The following ALDH16A1 variants were observed in gnomAD, a reference collection of about 807,000 sequenced individuals.
The protein encoded by ALDH16A1 is aldehyde dehydrogenase family 16 member A1.
ALDH16A1 carries 88 observed loss-of-function variants against 96.1 expected under a neutral mutation model. The observed-to-expected ratio is 0.92, with a 90% CI of 0.77 to 1.09. The LOEUF (loss-of-function observed/expected upper bound fraction) is 1.09. ALDH16A1 is among the 50% of genes least tolerant of loss of function. The pLI is 0.00. For synonymous variants in ALDH16A1, 522 were observed against 496.4 expected (o/e 1.05, Z -0.69); for missense variants, 1,250 against 1,112.6 (o/e 1.12, Z -1.76).
At chr19:49,467,482 C>T (rs1391741499) in intron 14 of ALDH16A1, among the ~76,000 whole-genome samples, 2 of 151,340 alleles carry the variant, frequency 1.3e-5, no homozygotes, top group Admixed American at 6.6e-5. Flanking sequence ...GCAACCTCTG[C>T]ATCCCAGGTT....
chr19:49,457,927 T>C (rs992867443), intron 1 of ALDH16A1, among the ~76,000 whole-genome samples: 11 of 152,054 alleles, frequency 7.2e-5, no homozygotes, highest in African/African-American at 2.7e-4. Flanking sequence ...GAGACCCTAA[T>C]TGAATGAATT....
chr19:49,462,180 T>C, intron 7 of ALDH16A1, 144 bp downstream of exon 7: 1 of 1,281,238 alleles, frequency 7.8e-7, no homozygotes, highest in South Asian at 1.7e-5. Context: ...TCGCCCAGGC[T>C]GGGGTGCAGC....
intron 4 of ALDH16A1, 104 bp from the exon 5 acceptor site, chr19:49,460,718 T>G: frequency 1.0e-6 from 1 of 967,734 alleles, no homozygotes. Flanking sequence ...CCGGCCATTT[T>G]TTTTTTTTTT....
rs917736465 is a variant in ALDH16A1 at position 49,458,945 on chromosome 19, C to A, written c.194-15C>A. On this transcript the variant is annotated splice_polypyrimidine_tract_variant and intron_variant, in intron 2 of 16. Transcript: ENST00000293350. Reference sequence around the variant, plus strand: ...GCTACTCCTCCCATCTGAGTCCCCCCACTTTTCTCCCCAGGAGAGAACTTG... The same window carrying A: ...GCTACTCCTCCCATCTGAGTCCCCCAACTTTTCTCCCCAGGAGAGAACTTG... The A allele has an allele frequency of 4.4e-6, 7 of 1,606,782 alleles. No individual in the cohort carries two copies. Among genetic ancestry groups the A allele is most frequent in the Admixed American group, 1.7e-5 (1 of 59,434 alleles).
chr19:49,460,226 T>C (rs1353010314), intron 4 of ALDH16A1, among the ~76,000 whole-genome samples: 2 of 152,068 alleles, frequency 1.3e-5, no homozygotes, highest in Non-Finnish European at 2.9e-5. Flanking sequence ...TCATTCTTTT[T>C]CTTTTGTTTT....
At chr19:49,469,106 C>CA (rs2079224186) in intron 16 of ALDH16A1, 120 bp downstream of exon 16, 1 of 1,436,116 alleles carries the variant, frequency 7.0e-7, no homozygotes, top group African/African-American at 1.4e-5. Context: ...AACTCCTTGA[C>CA]AAGAAGGTTT....
rs760609111 is a variant in ALDH16A1 at position 49,462,575 on chromosome 19, C to T, written c.918C>T (p.Gly306=). 1 of 1,612,710 alleles carries T rather than the reference C, an allele frequency of 6.2e-7. No homozygotes were observed. Among genetic ancestry groups the T allele is most frequent in the African/African-American group, 1.3e-5 (1 of 74,990 alleles). ...GATGCCCCTTTTCCTCACAGGGTGGCCTCAGGCTCCTCATCCAGGAGTCTG... is the reference window on the plus strand; with the variant it reads ...GATGCCCCTTTTCCTCACAGGGTGGTCTCAGGCTCCTCATCCAGGAGTCTG... ...DAAWSDRGPG[G]LRLLIQESVW... The change falls in exon 8 of 17, where the codon GGC becomes GGT. Residue 306 remains glycine (G), a synonymous_variant. Coordinates refer to ENST00000293350, the MANE Select transcript of ALDH16A1 (RefSeq NM_153329.4).
chr19:49,461,618 G>T lies in ALDH16A1; in HGVS notation c.578-1G>T. 6.3e-7 allele frequency: 1 copy of T among 1,580,582 alleles called. No homozygotes were observed. The highest frequency in any genetic ancestry group is 8.6e-7 in the Non-Finnish European group (1 of 1,165,066). ...GCCTTTGAGCTGCCCCACTTCCCCA[G>T]GCTGCACCGTGGTGGCCCTCGTGCC... On this transcript the variant is annotated splice_acceptor_variant, in intron 5 of 16. Coordinates refer to ENST00000293350, the MANE Select transcript of ALDH16A1 (RefSeq NM_153329.4). LOFTEE classifies it high-confidence loss of function.
intron 1 of ALDH16A1, among the ~76,000 whole-genome samples, chr19:49,455,914 C>G (rs945657711): frequency 6.6e-6 from 1 of 152,040 alleles, no homozygotes; most frequent in Admixed American, 6.6e-5. Flanking sequence ...AAATGCTGGA[C>G]AATTGATTCC....
In ALDH16A1 at chr19:49,464,423, G is replaced by A. The variant is rs2293009; in HGVS notation, c.1338G>A (p.Gln446=). ...GQALELGYGL[Q]VGTVWINAHG... ...ACCTTCATCTTCCCCACAGGCTCCA[G>A]GTGGGCACTGTCTGGATCAACGCCC... Residue 446 remains glutamine (Q), a synonymous_variant, in exon 11 of 17, where the codon CAG becomes CAA. Coordinates refer to ENST00000293350, the MANE Select transcript of ALDH16A1 (RefSeq NM_153329.4). 628,763 of 1,598,126 alleles carry A rather than the reference G, an allele frequency of 0.39. 128,472 individuals are homozygous for A. Among genetic ancestry groups the A allele is most frequent in the Middle Eastern group, 0.52 (3,126 of 6,046 alleles).
intron 14 of ALDH16A1, 148 bp downstream of exon 14, chr19:49,466,431 C>T: frequency 1.2e-6 from 1 of 815,134 alleles, no homozygotes; most frequent in East Asian, 2.9e-5. Flanking sequence ...CCTCTCCCTA[C>T]CTCAGTTCCC....
intron 8 of ALDH16A1, 25 bp from the exon 9 acceptor site, chr19:49,463,829 A>C: frequency 6.2e-7 from 1 of 1,604,412 alleles, no homozygotes. Context: ...CCAGAAGTCG[A>C]CTTCTAGATC....
intron 16 of ALDH16A1, 148 bp downstream of exon 16, chr19:49,469,134 G>T: frequency 8.3e-7 from 1 of 1,200,678 alleles, no homozygotes; most frequent in Non-Finnish European, 1.1e-6. Flanking sequence ...CCGCCCTTAG[G>T]ACTCAAGTTA....
At chr19:49,456,348 TG>T (rs2079104788) in intron 1 of ALDH16A1, among the ~76,000 whole-genome samples, 1 of 152,206 alleles carries the variant, frequency 6.6e-6, no homozygotes, top group African/African-American at 2.4e-5. Flanking sequence ...AAAACTACCA[TG>T]GTCTGTTACC....
intron 5 of ALDH16A1, 96 bp downstream of exon 5, chr19:49,460,995 G>A: frequency 7.4e-7 from 1 of 1,346,556 alleles, no homozygotes; most frequent in Non-Finnish European, 1.1e-6. Context: ...GGGGGCTGGA[G>A]GCCTGGACTC....
rs779014863 is a variant in ALDH16A1, at chr19:49,462,009, G to T, written c.885G>T (p.Val295=). 6.5e-7 allele frequency: 1 copy of T among 1,544,584 alleles called. No homozygotes were observed. Among genetic ancestry groups the T allele is most frequent in the Non-Finnish European group, 8.7e-7 (1 of 1,148,902 alleles). The stretch of plus-strand genomic sequence containing the variant: ...TAGACTCGGCCGTGGAGGGTGTCGT[G>T]GACGCCGCCTGGTCCGACCGCGGCC... ...ADVDSAVEGV[V]DAAWSDRGPG... Residue 295 remains valine, a synonymous_variant, in exon 7 of 17, where the codon GTG becomes GTT. Coordinates refer to ENST00000293350, the MANE Select transcript of ALDH16A1 (RefSeq NM_153329.4).
rs78635115 is a variant in ALDH16A1, at chr19:49,460,854, T to C, written c.532T>C (p.Ser178Pro). 4.0e-4 allele frequency: 646 copies of C among 1,613,694 alleles called. 7 individuals carry two copies. In the East Asian group the frequency reaches 0.013, roughly 32 times the overall value. The change falls in exon 5 of 17, where the codon TCC becomes CCC. Residue 178 changes from serine to proline, a missense_variant. Transcript: ENST00000293350. ...TGGCCTCATCCTGCCACCCACATTC[T>C]CCTTCCTTGAGATGATGTGGAGGAT... ...VIGLILPPTFSFLEMMWRICP... is the reference protein window; with the variant it reads ...VIGLILPPTFPFLEMMWRICP...
intron 9 of ALDH16A1, 84 bp downstream of exon 9, chr19:49,464,033 C>G (rs2122404941): frequency 2.5e-6 from 4 of 1,576,256 alleles, no homozygotes; most frequent in Admixed American, 1.8e-5. Flanking sequence ...TTGGGGTAAC[C>G]ATGTGACCTG....
chr19:49,466,105 C>A lies in ALDH16A1; in HGVS notation c.1760C>A (p.Ala587Asp), dbSNP rs746816394. ...AGCTGGGCGGGCCAGTCCCCAGGAG[C>A]CCGGGCAGCCCTGCTGTGGGCCCTG... is the stretch of plus-strand genomic sequence containing the variant. ...FPGWAGQSPG[A>D]RAALLWALAA... Residue 587 changes from alanine to aspartate, a missense_variant, in exon 14 of 17, where the codon GCC becomes GAC. Coordinates refer to ENST00000293350, the MANE Select transcript of ALDH16A1 (RefSeq NM_153329.4). The A allele has an allele frequency of 6.5e-7, 1 of 1,547,322 alleles. No individual in the cohort carries two copies. The highest frequency in any genetic ancestry group is 8.7e-7 in the Non-Finnish European group (1 of 1,149,638).
Sources: allele counts gnomAD v4.1 joint callset (sites outside exome capture counted in the v4.1 genomes callset), GRCh38; gene constraint gnomAD v4.1.1; transcripts MANE v1.5; gene names NCBI Gene and HGNC (gene_info 2026-07-23, HGNC 2026-07-21).